Variants in AGGF1 observed in about 807,000 individuals in gnomAD.
AGGF1 encodes the protein angiogenic factor with G patch and FHA domains 1.
In AGGF1, 56 loss-of-function variants were observed where a neutral mutation model predicts 86.5. The observed-to-expected ratio is 0.65, with a 90% CI of 0.52 to 0.81. The LOEUF (loss-of-function observed/expected upper bound fraction) is 0.81. Ranked by LOEUF, AGGF1 falls within the 30% of genes least tolerant of loss-of-function variation. The pLI is 0.00. For missense variants in AGGF1, 816 were observed against 850.9 expected (o/e 0.96, Z 0.51); for synonymous variants, 313 against 297.1 (o/e 1.05, Z -0.55).
chr5:77,046,265 T>G, intron 5 of AGGF1, 82 bp from the exon 6 acceptor site: 1 of 1,208,406 alleles, frequency 8.3e-7, no homozygotes, highest in Non-Finnish European at 1.2e-6. Flanking sequence ...ACGAATTCGT[T>G]GAAACTTGAT....
chr5:77,039,594 C>A lies in AGGF1; in HGVS notation c.745C>A (p.Arg249Ser). The A allele has an allele frequency of 6.2e-7, 1 of 1,612,818 alleles. No individual in the cohort carries two copies. Among genetic ancestry groups the A allele is most frequent in the South Asian group, 1.1e-5 (1 of 90,886 alleles). ...IYYYCDVESG[R>S]YQFHSRVDLQ... ...TTACTATTGTGATGTGGAAAGTGGT[C>A]GTTATCAGTTTCATTCTCGAGTAGA... Residue 249 changes from arginine (R) to serine (S), a missense_variant, in exon 5 of 14, where the codon CGT becomes AGT. By Grantham distance (110) the Arg-to-Ser change is moderately radical (BLOSUM62 -1). Transcript: ENST00000312916.
rs2150725051 is a variant in AGGF1 at position 77,030,883 on chromosome 5, C to T, written c.117C>T (p.Cys39=). ...AGTTGGAACGTGAACTGCGGAGCTGCAAGCGGCAGGTGCGGGAGATCGAGA... is the reference window on the plus strand; with the variant it reads ...AGTTGGAACGTGAACTGCGGAGCTGTAAGCGGCAGGTGCGGGAGATCGAGA... ...VEKLERELRS[C]KRQVREIEKL... Residue 39 remains cysteine (C), a synonymous_variant, in exon 1 of 14, where the codon TGC becomes TGT. Coordinates refer to ENST00000312916, the MANE Select transcript of AGGF1 (RefSeq NM_018046.5). The T allele has an allele frequency of 2.5e-6, 4 of 1,613,540 alleles. No homozygotes were observed. The highest frequency in any genetic ancestry group is 3.4e-6 in the Non-Finnish European group (4 of 1,180,010).
intron 8 of AGGF1, among the ~76,000 whole-genome samples, chr5:77,050,708 G>T (rs1420255664): frequency 4.1e-4 from 63 of 152,208 alleles, no homozygotes; most frequent in African/African-American, 1.4e-3. Context: ...AAATGATCTT[G>T]CTCTTTATAT....
At position 77,052,774 on chromosome 5, in the gene AGGF1, T is replaced by C. The variant is rs1747396616; in HGVS notation, c.1434T>C (p.Asn478=). Residue 478 remains asparagine, a synonymous_variant, in exon 9 of 14, where the codon AAT becomes AAC. Transcript: ENST00000312916. ...TCCTTGTGGATCAAGGCAGTCAAAA[T>C]GGCACAATTGTTAATGGAAAACAGA... The part of the protein sequence containing the change: ...SYVLVDQGSQ[N]GTIVNGKQIL... 1 of 1,613,778 alleles carries C rather than the reference T, an allele frequency of 6.2e-7. No individual in the cohort carries two copies. Among genetic ancestry groups the C allele is most frequent in the Non-Finnish European group, 8.5e-7 (1 of 1,179,798 alleles).
intron 1 of AGGF1, among the ~76,000 whole-genome samples, chr5:77,032,251 G>GAAAAAA (rs777510199): frequency 4.0e-5 from 1 of 25,044 alleles, no homozygotes; most frequent in African/African-American, 1.0e-4. Flanking sequence ...TACAAATATG[G>GAAAAAA]TAAAAAAAAA....
At chr5:77,032,948 T>C (rs1353606769) in intron 1 of AGGF1, among the ~76,000 whole-genome samples, 1 of 152,174 alleles carries the variant, frequency 6.6e-6, no homozygotes, top group African/African-American at 2.4e-5. Context: ...TGTTAATGCC[T>C]CTTATAAGCT....
intron 1 of AGGF1, 38 bp from the exon 2 acceptor site, chr5:77,034,380 A>G: frequency 8.0e-7 from 1 of 1,245,216 alleles, no homozygotes; most frequent in Non-Finnish European, 1.2e-6. Flanking sequence ...TTAGATTGTT[A>G]CATGATTTCT....
At chr5:77,040,148 G>T (rs1245910678) in intron 5 of AGGF1, among the ~76,000 whole-genome samples, 2 of 138,698 alleles carry the variant, frequency 1.4e-5, no homozygotes, top group Admixed American at 7.4e-5. Flanking sequence ...CACTCTTGTT[G>T]CCCGGGCTGG....
chr5:77,053,882 T>C (rs1475368121), intron 9 of AGGF1, 83 bp from the exon 10 acceptor site: 10 of 1,363,584 alleles, frequency 7.3e-6, no homozygotes, highest in African/African-American at 1.4e-5. Flanking sequence ...TTAAAAATTA[T>C]AATCAGACAT....
intron 8 of AGGF1, among the ~76,000 whole-genome samples, chr5:77,050,306 CTTTTTTTTTTTTTTTTTT>C (rs10595061): frequency 3.9e-5 from 3 of 76,562 alleles, no homozygotes; most frequent in African/African-American, 1.7e-4. Context: ...TTCTTTGTTT[CTTTTTTTTTTTTTTTTTT>C]TTTTTTTTTT....
chr5:77,042,849 C>T lies in AGGF1; in HGVS notation c.870+3130C>T, dbSNP rs1170045521. Among the ~76,000 whole-genome samples, 98 of 49,786 alleles carry T rather than the reference C, an allele frequency of 2.0e-3. 17 individuals carry two copies. Among genetic ancestry groups the T allele is most frequent in the African/African-American group, 3.8e-3 (62 of 16,216 alleles). The allele number at this position is 49,786 out of a possible 152,430, so 32.7% of individuals were successfully genotyped here. ...CTCCCTCCCGGGCGGGGCGGCTGGC[C>T]GGGCGGGGGGCCGACACCCCCACCT... On this transcript the variant is annotated intron_variant, in intron 5 of 13. Coordinates refer to ENST00000312916, the MANE Select transcript of AGGF1 (RefSeq NM_018046.5).
intron 2 of AGGF1, 42 bp downstream of exon 2, chr5:77,034,562 C>A: frequency 7.8e-7 from 1 of 1,287,342 alleles, no homozygotes; most frequent in South Asian, 1.2e-5. Flanking sequence ...CTGTTACATT[C>A]AAATCATGCT....
At chr5:77,060,031 G>C (rs1405262247) in intron 12 of AGGF1, among the ~76,000 whole-genome samples, 1 of 152,094 alleles carries the variant, frequency 6.6e-6, no homozygotes, top group Non-Finnish European at 1.5e-5. Flanking sequence ...TAGTAGAGAC[G>C]GGGTTTCACA....
At chr5:77,035,412 C>T (rs991994627) in intron 2 of AGGF1, 129 bp from the exon 3 acceptor site, 8 of 707,772 alleles carry the variant, frequency 1.1e-5, no homozygotes, top group Admixed American at 1.1e-4. Context: ...AAAATTTGTA[C>T]AGTTGTAAAA....
In AGGF1 at chr5:77,030,798, C is replaced by A. The variant is rs758536255; in HGVS notation, c.32C>A (p.Ser11Ter). The stretch of plus-strand genomic sequence containing the variant: ...TCGGAGGCGCCGTCCCCGCCGCGGT[C>A]GCCGCCGCCGCCCACCTCCCCCGAG... MASEAPSPPR[S>*]PPPPTSPEPE... The change falls in exon 1 of 14, where the codon TCG becomes TAG. Residue 11 changes from serine (S) to a stop codon, truncating the protein, a stop_gained. Transcript: ENST00000312916. LOFTEE classifies it high-confidence loss of function. 6 of 1,594,168 alleles carry A rather than the reference C, an allele frequency of 3.8e-6. No homozygotes were observed. Among genetic ancestry groups the A allele is most frequent in the South Asian group, 1.1e-5 (1 of 89,982 alleles).
At chr5:77,052,634 C>A in intron 8 of AGGF1, 72 bp from the exon 9 acceptor site, 1 of 1,051,930 alleles carries the variant, frequency 9.5e-7, no homozygotes, top group South Asian at 1.4e-5. Flanking sequence ...TTAACATCAT[C>A]ATATCATACA....
intron 13 of AGGF1, among the ~76,000 whole-genome samples, chr5:77,062,377 T>C (rs912780124): frequency 3.3e-5 from 5 of 152,224 alleles, no homozygotes; most frequent in Non-Finnish European, 7.3e-5. Context: ...ATATACCAGC[T>C]TTCTCATTTT....
chr5:77,051,869 A>G (rs1270967429), intron 8 of AGGF1, among the ~76,000 whole-genome samples: 1 of 152,212 alleles, frequency 6.6e-6, no homozygotes, highest in Non-Finnish European at 1.5e-5. Flanking sequence ...ATTCAGCAAA[A>G]TGAATGAACG....
intron 8 of AGGF1, among the ~76,000 whole-genome samples, chr5:77,049,748 C>G (rs1747335843): frequency 2.6e-5 from 4 of 151,922 alleles, no homozygotes; most frequent in Admixed American, 2.6e-4. Context: ...TGCAGTTTCA[C>G]CTGGGTGTTC....
Sources: allele counts gnomAD v4.1 joint callset (sites outside exome capture counted in the v4.1 genomes callset), GRCh38; gene constraint gnomAD v4.1.1; transcripts MANE v1.5; gene names NCBI Gene and HGNC (gene_info 2026-07-23, HGNC 2026-07-21).